ASIC2: variants seen among roughly 807,000 people sequenced by gnomAD.
ASIC2 encodes the protein acid sensing ion channel subunit 2.
In ASIC2, 25 loss-of-function variants were observed where a neutral mutation model predicts 57.3. The ratio of observed to expected loss-of-function variants is 0.44; its 90% CI spans 0.32 to 0.61. The LOEUF (loss-of-function observed/expected upper bound fraction) is 0.61, where lower values mean the gene tolerates loss of function less well. Ranked by LOEUF, ASIC2 falls within the 20% of genes least tolerant of loss-of-function variation. The pLI, the probability that ASIC2 is intolerant of heterozygous loss-of-function variation, is 0.06. For synonymous variants in ASIC2, 319 were observed against 307.5 expected (o/e 1.04, Z -0.39); for missense variants, 641 against 738.1 (o/e 0.87, Z 1.52).
chr17:33,961,496 T>C (rs1904919373), intron 1 of ASIC2, among the ~76,000 whole-genome samples: 1 of 152,200 alleles, frequency 6.6e-6, no homozygotes, highest in Non-Finnish European at 1.5e-5. Flanking sequence ...CAACTCCACC[T>C]GGCTGAAGCT....
At chr17:34,155,851 C>T in intron 1 of ASIC2, 4 of 1,082,910 alleles carry the variant, frequency 3.7e-6, no homozygotes, top group Non-Finnish European at 5.2e-6. Flanking sequence ...ACCCTCGTGG[C>T]CTTCAGGTGA....
chr17:33,587,939 T>C (rs1355261268), intron 1 of ASIC2, among the ~76,000 whole-genome samples: 2 of 152,224 alleles, frequency 1.3e-5, no homozygotes, highest in Non-Finnish European at 2.9e-5. Flanking sequence ...AGATCTCAGC[T>C]GACTTCATAA....
At chr17:34,103,725 T>G (rs1001478384) in intron 1 of ASIC2, among the ~76,000 whole-genome samples, 17 of 152,190 alleles carry the variant, frequency 1.1e-4, no homozygotes, top group African/African-American at 4.1e-4. Context: ...CCTTTTTCCT[T>G]TGAGTGACTT....
chr17:33,112,191 G>T, intron 1 of ASIC2, 124 bp from the exon 2 acceptor site: 1 of 1,211,654 alleles, frequency 8.3e-7, no homozygotes, highest in Non-Finnish European at 1.1e-6. Context: ...CACCATCACC[G>T]CTCTCAGGAA....
intron 1 of ASIC2, among the ~76,000 whole-genome samples, chr17:33,458,686 T>C (rs1421349588): frequency 2.0e-5 from 3 of 152,214 alleles, no homozygotes; most frequent in Non-Finnish European, 2.9e-5. Flanking sequence ...TTATTGGTCA[T>C]GGTTCAAGTA....
At chr17:33,192,773 A>G (rs1906478780) in intron 1 of ASIC2, among the ~76,000 whole-genome samples, 1 of 152,220 alleles carries the variant, frequency 6.6e-6, no homozygotes, top group South Asian at 2.1e-4. Context: ...GTACCCAGAT[A>G]TTAGTTAATA....
chr17:33,323,962 GA>G (rs1326943236), intron 1 of ASIC2, among the ~76,000 whole-genome samples: 1 of 151,790 alleles, frequency 6.6e-6, no homozygotes, highest in African/African-American at 2.4e-5. Flanking sequence ...CACTTGGTGA[GA>G]ATTCAGTGAG....
At chr17:33,277,419 C>T (rs1310219290) in intron 1 of ASIC2, among the ~76,000 whole-genome samples, 2 of 152,194 alleles carry the variant, frequency 1.3e-5, no homozygotes, top group East Asian at 3.8e-4. Context: ...CCTTAGCTGC[C>T]CCATCTGTAA....
intron 2 of ASIC2, among the ~76,000 whole-genome samples, chr17:33,099,117 C>T (rs1311769643): frequency 6.6e-6 from 1 of 151,840 alleles, no homozygotes; most frequent in East Asian, 1.9e-4. Context: ...ATCAACTGCC[C>T]GAGTAGCTGG....
intron 1 of ASIC2, among the ~76,000 whole-genome samples, chr17:33,422,097 C>T (rs1015120365): frequency 1.4e-4 from 22 of 152,228 alleles, no homozygotes; most frequent in African/African-American, 5.1e-4. Flanking sequence ...CAGCCTCTTC[C>T]CTGACCTGCC....
chr17:33,767,966 G>A (rs1464842818), intron 1 of ASIC2, among the ~76,000 whole-genome samples: 1 of 151,940 alleles, frequency 6.6e-6, no homozygotes, highest in Non-Finnish European at 1.5e-5. Flanking sequence ...AACTATGTGG[G>A]AACATAGCTA....
chr17:33,422,550 C>A (rs371264123), intron 1 of ASIC2, among the ~76,000 whole-genome samples: 1 of 152,116 alleles, frequency 6.6e-6, no homozygotes, highest in Admixed American at 6.5e-5. Context: ...CTGCCCATGG[C>A]GGCTCCATGC....
chr17:33,854,607 C>T (rs1410862103), intron 1 of ASIC2, among the ~76,000 whole-genome samples: 3 of 152,142 alleles, frequency 2.0e-5, no homozygotes, highest in Non-Finnish European at 4.4e-5. Flanking sequence ...GTGGGGGAAG[C>T]GGCTTCTTTA....
At chr17:33,614,553 G>A (rs1905531326) in intron 1 of ASIC2, among the ~76,000 whole-genome samples, 1 of 152,230 alleles carries the variant, frequency 6.6e-6, no homozygotes, top group South Asian at 2.1e-4. Flanking sequence ...CAAGGGGCTA[G>A]ATGGTATCAT....
chr17:33,944,133 C>A (rs1052436604), intron 1 of ASIC2, among the ~76,000 whole-genome samples: 3 of 152,166 alleles, frequency 2.0e-5, no homozygotes, highest in Non-Finnish European at 4.4e-5. Context: ...TGTATAAGGA[C>A]TTGCTGATGT....
At chr17:33,085,178 A>C (rs1567738976) in intron 3 of ASIC2, among the ~76,000 whole-genome samples, 1 of 152,170 alleles carries the variant, frequency 6.6e-6, no homozygotes, top group East Asian at 1.9e-4. Flanking sequence ...ACTTGTCCCC[A>C]TGGCCTTCCT....
At chr17:33,076,040 C>T (rs1359617461) in intron 3 of ASIC2, among the ~76,000 whole-genome samples, 1 of 152,160 alleles carries the variant, frequency 6.6e-6, no homozygotes, top group African/African-American at 2.4e-5. Flanking sequence ...TTAAATCCAT[C>T]CTACATGGAT....
intron 1 of ASIC2, among the ~76,000 whole-genome samples, chr17:33,176,327 G>A (rs1000575234): frequency 1.1e-4 from 16 of 152,270 alleles, no homozygotes; most frequent in Admixed American, 5.9e-4. Flanking sequence ...CTGGCACATC[G>A]TAGGGGCTTA....
intron 1 of ASIC2, among the ~76,000 whole-genome samples, chr17:33,285,129 C>T (rs1905093186): frequency 6.6e-6 from 1 of 152,216 alleles, no homozygotes; most frequent in Non-Finnish European, 1.5e-5. Flanking sequence ...AATGTCCTGG[C>T]TATTTCTCCA....
Sources: allele counts gnomAD v4.1 joint callset (sites outside exome capture counted in the v4.1 genomes callset), GRCh38; gene constraint gnomAD v4.1.1; transcripts MANE v1.5; gene names NCBI Gene and HGNC (gene_info 2026-07-23, HGNC 2026-07-21).